The following ASB1 variants were observed in gnomAD, a reference collection of about 807,000 sequenced individuals.
ASB1 encodes ankyrin repeat and SOCS box protein 1.
ASB1 carries 18 observed loss-of-function variants against 27.7 expected under a neutral mutation model. That is an observed-to-expected ratio of 0.65 (90% CI 0.45 to 0.96). The LOEUF is 0.96. Among genes scored for constraint, ASB1 ranks in the 50% least tolerant of loss-of-function variants. The pLI is 0.00. For synonymous variants in ASB1, 189 were observed against 187.6 expected, an observed-to-expected ratio of 1.01 and a Z score of -0.06; for missense variants, 397 against 451.7, an observed-to-expected ratio of 0.88 and a Z score of 1.10.
Position 238,451,217 on chromosome 2 carries a change from TCAG to T in ASB1, c.*4710_*4712del, listed in dbSNP as rs1575012373. The T allele has an allele frequency of 6.6e-6, 1 of 152,296 alleles. No homozygotes were observed. Among genetic ancestry groups the T allele is most frequent in the Admixed American group, 6.5e-5 (1 of 15,274 alleles). 9.4% of individuals were successfully genotyped at this position (152,296 alleles called of 1,614,324 possible). ...TGTGTGGAATAAATACTAGAAATTC[TCAG>T]CAGACAGTGGGATGGAGAAGTGAGT... is the stretch of plus-strand genomic sequence containing the variant. On this transcript the variant is annotated 3_prime_UTR_variant, in exon 5 of 5. Coordinates refer to ENST00000264607, the MANE Select transcript of ASB1 (RefSeq NM_001040445.3).
At chr2:238,445,255 A>C (rs896207471) in intron 4 of ASB1, among the ~76,000 whole-genome samples, 1 of 152,112 alleles carries the variant, frequency 6.6e-6, no homozygotes, top group Non-Finnish European at 1.5e-5. Context: ...CTGGGATTAC[A>C]GGCACGAGCC....
chr2:238,433,480 G>A (rs958653250), intron 1 of ASB1, 74 bp from the exon 2 acceptor site: 14 of 1,561,806 alleles, frequency 9.0e-6, no homozygotes, highest in African/African-American at 2.7e-5. Flanking sequence ...AAGGCTCGCT[G>A]CAGATGGCAC....
Position 238,446,512 on chromosome 2 carries a change from ACTC to A in ASB1, c.*3_*5del. 6.2e-7 allele frequency: 1 copy of A among 1,613,358 alleles called. No individual in the cohort carries two copies. The highest frequency in any genetic ancestry group is 8.5e-7 in the Non-Finnish European group (1 of 1,179,906). On this transcript the variant is annotated 3_prime_UTR_variant, in exon 5 of 5. Transcript: ENST00000264607. ...AAAGAAGTTTCTACTCCATGAGTAG[ACTC>A]CAAGTGCTGCGGTTGATTCCAGTGA...
chr2:238,436,613 C>G (rs1361186034), intron 3 of ASB1, among the ~76,000 whole-genome samples: 1 of 152,152 alleles, frequency 6.6e-6, no homozygotes, highest in Non-Finnish European at 1.5e-5. Context: ...ACCCTCCTGC[C>G]TTAGCCTCCT....
At chr2:238,439,069 G>A (rs1394564636) in intron 3 of ASB1, among the ~76,000 whole-genome samples, 1 of 152,180 alleles carries the variant, frequency 6.6e-6, no homozygotes, top group African/African-American at 2.4e-5. Context: ...AAACGTTTTG[G>A]AAGATTTTCC....
rs1199885208 is a variant in ASB1 at position 238,426,991 on chromosome 2, C to T, written c.-80C>T. ...ACGCGCCCCCCATTGCCCTCGGCGC[C>T]GGAAGTGGTCGCGGGTCGTTCTGCT... is the stretch of plus-strand genomic sequence containing the variant. On this transcript the variant is annotated 5_prime_UTR_variant, in exon 1 of 5. Transcript: ENST00000264607. The T allele has an allele frequency of 1.7e-6, 2 of 1,151,262 alleles. No homozygotes were observed. Among genetic ancestry groups the T allele is most frequent in the Non-Finnish European group, 2.2e-6 (2 of 916,382 alleles). 71.3% of individuals were successfully genotyped at this position (1,151,262 alleles called of 1,614,324 possible). A position where few individuals can be genotyped will look rare whatever the true frequency, so the allele number is the denominator to read the frequency against.
At chr2:238,438,277 G>A (rs368339555) in intron 3 of ASB1, among the ~76,000 whole-genome samples, 2 of 138,454 alleles carry the variant, frequency 1.4e-5, no homozygotes, top group East Asian at 4.3e-4. Context: ...TCGGTTCACT[G>A]CAATCTCCGC....
In ASB1 at chr2:238,427,130, C is replaced by T; in HGVS notation, c.49+11C>T. On this transcript the variant is annotated intron_variant, in intron 1 of 4. Transcript: ENST00000264607. The stretch of plus-strand genomic sequence containing the variant: ...GGCCGGGCTCCGCAGGTAACGTGCG[C>T]GCGGCCACTGGGCCGCGGGGCGTGT... The T allele has an allele frequency of 4.0e-6, 5 of 1,244,868 alleles. No homozygotes were observed. The highest frequency in any genetic ancestry group is 3.2e-5 in the South Asian group (1 of 30,858). 77.1% of individuals were successfully genotyped at this position (1,244,868 alleles called of 1,614,324 possible). A position where few individuals can be genotyped will look rare whatever the true frequency, so the allele number is the denominator to read the frequency against.
rs1356751985 is a variant in ASB1, at chr2:238,435,947, A to G, written c.428A>G (p.His143Arg). ...GCGGACCCCAACGGAAGCCGGCACCATCGCAGCACCCCTGTCTACCACGCC... is the reference window on the plus strand; with the variant it reads ...GCGGACCCCAACGGAAGCCGGCACCGTCGCAGCACCCCTGTCTACCACGCC... The part of the protein sequence containing the change: ...AGADPNGSRH[H>R]RSTPVYHASR... Residue 143 changes from histidine to arginine, a missense_variant, in exon 3 of 5, where the codon CAT becomes CGT. Physicochemically the swap from His to Arg is conservative, Grantham distance 29. Coordinates refer to ENST00000264607, the MANE Select transcript of ASB1 (RefSeq NM_001040445.3). 4 of 1,614,000 alleles carry G rather than the reference A, an allele frequency of 2.5e-6. No individual in the cohort carries two copies. The highest frequency in any genetic ancestry group is 3.4e-6 in the Non-Finnish European group (4 of 1,180,026).
intron 2 of ASB1, chr2:238,435,360 G>C: frequency 3.6e-6 from 1 of 275,346 alleles, no homozygotes; most frequent in Non-Finnish European, 7.0e-6. Context: ...TCCCGGGCGA[G>C]TGCGCTGTTC....
chr2:238,444,931 A>G (rs948188171), intron 4 of ASB1, among the ~76,000 whole-genome samples: 3 of 152,018 alleles, frequency 2.0e-5, no homozygotes, highest in Non-Finnish European at 4.4e-5. Context: ...GGGAATCTCT[A>G]AAAGTACATG....
intron 1 of ASB1, among the ~76,000 whole-genome samples, chr2:238,429,154 T>C (rs1701819423): frequency 1.3e-5 from 2 of 152,178 alleles, no homozygotes; most frequent in Admixed American, 1.3e-4. Context: ...GAGTCTCATG[T>C]ACAGTAGTAC....
chr2:238,433,759 C>T, intron 2 of ASB1, 64 bp downstream of exon 2: 1 of 1,574,166 alleles, frequency 6.4e-7, no homozygotes, highest in South Asian at 1.1e-5. Context: ...TGAAGCTGAG[C>T]CCCACAGTCG....
chr2:238,451,292 T>C lies in ASB1; in HGVS notation c.*4781T>C, dbSNP rs919637089. 5 of 152,326 alleles carry C rather than the reference T, an allele frequency of 3.3e-5. No individual in the cohort carries two copies. The highest frequency in any genetic ancestry group is 1.2e-4 in the African/African-American group (5 of 41,468). 9.4% of individuals were successfully genotyped at this position (152,326 alleles called of 1,614,324 possible). On this transcript the variant is annotated 3_prime_UTR_variant, in exon 5 of 5. Transcript: ENST00000264607. ...GTTGCCTTGACATGTCGTTGCTCAGTGCCTGGATTGCAGGCGAGTCTCTCT... is the reference window on the plus strand; with the variant it reads ...GTTGCCTTGACATGTCGTTGCTCAGCGCCTGGATTGCAGGCGAGTCTCTCT...
chr2:238,441,361 C>T (rs901870898), intron 3 of ASB1, among the ~76,000 whole-genome samples: 1 of 152,144 alleles, frequency 6.6e-6, no homozygotes, highest in Non-Finnish European at 1.5e-5. Flanking sequence ...TCTCGAACTC[C>T]TGGCCTCAAG....
rs1702182447 is a variant in ASB1, at chr2:238,446,475, G to A, written c.972G>A (p.Leu324=). 3 of 1,614,130 alleles carry A rather than the reference G, an allele frequency of 1.9e-6. No individual in the cohort carries two copies. Among genetic ancestry groups the A allele is most frequent in the Middle Eastern group, 1.7e-4 (1 of 6,056 alleles). Residue 324 remains leucine (L), a synonymous_variant, in exon 5 of 5, where the codon CTG becomes CTA. Coordinates refer to ENST00000264607, the MANE Select transcript of ASB1 (RefSeq NM_001040445.3). ...TTCATCTGATTCCTTCGCTGCCTCT[G>A]CCAGACCCCATAAAGAAGTTTCTAC... ...HRLHLIPSLP[L]PDPIKKFLLH...
At chr2:238,438,489 C>T (rs56142255) in intron 3 of ASB1, among the ~76,000 whole-genome samples, 12,234 of 152,164 alleles carry the variant, frequency 0.08, 675 homozygotes, top group Non-Finnish European at 0.12. Flanking sequence ...CGTGAGCCAC[C>T]GCGCCCGGCC....
chr2:238,441,004 G>A (rs78624499), intron 3 of ASB1, among the ~76,000 whole-genome samples: 1,732 of 152,336 alleles, frequency 0.011, 35 homozygotes, highest in African/African-American at 0.037. Flanking sequence ...TGAACGTGAC[G>A]CTGGGAGTGG....
intron 1 of ASB1, among the ~76,000 whole-genome samples, chr2:238,432,003 A>G (rs1701879862): frequency 6.6e-6 from 1 of 152,244 alleles, no homozygotes; most frequent in Admixed American, 6.5e-5. Context: ...CTTGCTCAGC[A>G]CAGGGTTGCC....
Sources: gnomAD v4.1 joint callset for allele counts (sites outside exome capture counted in the v4.1 genomes callset) on GRCh38, gnomAD v4.1.1 for gene constraint, MANE v1.5 for transcripts, NCBI Gene and HGNC (gene_info 2026-07-23, HGNC 2026-07-21) for gene names.